The following MACROH2A1 variants were observed in gnomAD, a reference collection of about 807,000 sequenced individuals.
The protein encoded by MACROH2A1 is macroH2A.1 histone.
In MACROH2A1, 2 loss-of-function variants were observed where a neutral mutation model predicts 31.6. The observed-to-expected ratio is 0.06, with a 90% CI of 0.03 to 0.20. MACROH2A1 has a LOEUF of 0.20. Ranked by LOEUF, MACROH2A1 falls within the 10% of genes least tolerant of loss-of-function variation. The probability of loss-of-function intolerance (pLI) is 1.00; values close to 1 mark genes in which losing one functional copy is unlikely to be tolerated. For missense variants in MACROH2A1, 230 were observed against 474.0 expected (o/e 0.49, Z 4.78); for synonymous variants, 169 against 189.6 (o/e 0.89, Z 0.89).
chr5:135,391,342 T>C (rs573553038), intron 1 of MACROH2A1, among the ~76,000 whole-genome samples: 1 of 152,304 alleles, frequency 6.6e-6, no homozygotes, highest in East Asian at 1.9e-4. Context: ...TCAGCCCTTT[T>C]CCTACTAGAG....
At chr5:135,346,275 C>A in intron 6 of MACROH2A1, 1 of 559,718 alleles carries the variant, frequency 1.8e-6, no homozygotes, top group Non-Finnish European at 3.2e-6. Flanking sequence ...CTGGCTGTCT[C>A]TGCTGCCCCT....
In MACROH2A1 at chr5:135,398,564, G is replaced by T. The variant is rs1768365633; in HGVS notation, c.-34+498C>A. Among the ~76,000 whole-genome samples, 2 of 152,194 alleles carry T rather than the reference G, an allele frequency of 1.3e-5. No individual in the cohort carries two copies. On this transcript the variant is annotated intron_variant, in intron 1 of 8. Transcript: ENST00000511689. The surrounding 1 kb of genome is among the most constrained non-coding windows in gnomAD (Gnocchi z 4.6). Reference sequence around the variant, plus strand: ...TAGCGAGCCAGACGCCTACACCTCGGCCCCCCGGGGCTCGGGCCCGACTTA... The same window carrying T: ...TAGCGAGCCAGACGCCTACACCTCGTCCCCCCGGGGCTCGGGCCCGACTTA...
intron 2 of MACROH2A1, among the ~76,000 whole-genome samples, chr5:135,384,306 G>A (rs924415754): frequency 3.9e-5 from 6 of 152,224 alleles, no homozygotes; most frequent in African/African-American, 7.2e-5. Flanking sequence ...CTGAGTTAGA[G>A]ACTGGAAGTC....
At chr5:135,339,234 C>T (rs1472339268) in intron 8 of MACROH2A1, among the ~76,000 whole-genome samples, 1 of 152,182 alleles carries the variant, frequency 6.6e-6, no homozygotes, top group Non-Finnish European at 1.5e-5. Flanking sequence ...CTCAGTTTCC[C>T]AGGGCCAGTG....
intron 1 of MACROH2A1, among the ~76,000 whole-genome samples, chr5:135,391,117 G>T (rs1767175439): frequency 5.9e-5 from 9 of 152,218 alleles, no homozygotes; most frequent in Admixed American, 4.6e-4. Context: ...GCAAAAAGGT[G>T]CCTGTGCTCA....
chr5:135,376,249 G>GTCC (rs1764844868), intron 2 of MACROH2A1, among the ~76,000 whole-genome samples: 1 of 152,164 alleles, frequency 6.6e-6, no homozygotes, highest in Non-Finnish European at 1.5e-5. Context: ...CCTCCGAAAA[G>GTCC]TCCAGGAGGA....
At chr5:135,350,978 C>T (rs1010580056) in intron 6 of MACROH2A1, 2 of 1,084,964 alleles carry the variant, frequency 1.8e-6, no homozygotes, top group African/African-American at 3.1e-5. Flanking sequence ...GGCACATTTA[C>T]TAATGCCCCA....
chr5:135,366,635 C>A (rs1204767927), intron 4 of MACROH2A1, among the ~76,000 whole-genome samples: 2 of 151,542 alleles, frequency 1.3e-5, no homozygotes, highest in East Asian at 3.9e-4. Flanking sequence ...TCTCTATATG[C>A]TTTTATATGC....
At chr5:135,380,962 A>C (rs1220341184) in intron 2 of MACROH2A1, among the ~76,000 whole-genome samples, 1 of 152,228 alleles carries the variant, frequency 6.6e-6, no homozygotes, top group East Asian at 1.9e-4. Context: ...TACTTATTAG[A>C]GAAAAGAAGT....
intron 2 of MACROH2A1, among the ~76,000 whole-genome samples, chr5:135,385,821 A>G (rs576625451): frequency 6.6e-6 from 1 of 152,110 alleles, no homozygotes; most frequent in Admixed American, 6.5e-5. Flanking sequence ...TCCTTGCAAC[A>G]CTTTCAGTCT....
chr5:135,363,755 G>A (rs1302100317), intron 4 of MACROH2A1, among the ~76,000 whole-genome samples: 1 of 152,188 alleles, frequency 6.6e-6, no homozygotes, highest in Non-Finnish European at 1.5e-5. Flanking sequence ...TCGCCACACT[G>A]TCTTCCACAA....
chr5:135,360,327 T>A, intron 5 of MACROH2A1, 170 bp downstream of exon 5: 1 of 603,268 alleles, frequency 1.7e-6, no homozygotes, highest in Non-Finnish European at 3.0e-6. Flanking sequence ...CATTGTGGCC[T>A]CCCCAGCATC....
chr5:135,387,670 T>C (rs1296272319), intron 2 of MACROH2A1, among the ~76,000 whole-genome samples: 1 of 152,166 alleles, frequency 6.6e-6, no homozygotes, highest in Non-Finnish European at 1.5e-5. Context: ...GCAGGCTGTA[T>C]ATAACCCCAG....
chr5:135,343,549 CCT>C lies in MACROH2A1; in HGVS notation c.779-117_779-116del, dbSNP rs1305612121. 2.8e-5 allele frequency: 42 copies of C among 1,489,340 alleles called. No homozygotes were observed. In the East Asian group the frequency reaches 7.6e-4, roughly 27 times the overall value. The allele number at this position is 1,489,340 out of a possible 1,614,324, so 92.3% of individuals were successfully genotyped here. On this transcript the variant is annotated intron_variant, in intron 7 of 8. Coordinates refer to ENST00000511689, the MANE Select transcript of MACROH2A1 (RefSeq NM_138610.3). ...TATATCTTCCTGGGCCCTCCAATGC[CCT>C]GTGTCCGAGGAGTTCCACAGCTGTC... is the stretch of plus-strand genomic sequence containing the variant.
chr5:135,349,940 T>C (rs1761313338), intron 6 of MACROH2A1, among the ~76,000 whole-genome samples: 1 of 152,178 alleles, frequency 6.6e-6, no homozygotes, highest in Non-Finnish European at 1.5e-5. Context: ...CCAGGCCCTA[T>C]GATCAGTAAA....
At chr5:135,367,727 C>T (rs1361827545) in intron 4 of MACROH2A1, among the ~76,000 whole-genome samples, 2 of 152,194 alleles carry the variant, frequency 1.3e-5, no homozygotes, top group Admixed American at 6.5e-5. Flanking sequence ...TGGTCCTGCC[C>T]CTGCTGGTCC....
intron 7 of MACROH2A1, chr5:135,343,941 G>A (rs1347047098): frequency 5.9e-6 from 1 of 169,018 alleles, no homozygotes; most frequent in Non-Finnish European, 1.3e-5. Context: ...GAAAGCAACT[G>A]CTTTAAATGA....
chr5:135,359,639 A>C, intron 5 of MACROH2A1: 1 of 985,226 alleles, frequency 1.0e-6, no homozygotes, highest in Non-Finnish European at 1.2e-6. Context: ...CTGTGATGCA[A>C]AAGAAATTGA....
chr5:135,393,060 C>T (rs931805665), intron 1 of MACROH2A1, among the ~76,000 whole-genome samples: 1 of 152,232 alleles, frequency 6.6e-6, no homozygotes, highest in Non-Finnish European at 1.5e-5. Flanking sequence ...GCTGCTGTAA[C>T]AGATAAGTCT....
Sources: allele counts gnomAD v4.1 joint callset (sites outside exome capture counted in the v4.1 genomes callset), GRCh38; gene constraint gnomAD v4.1.1; non-coding constraint Gnocchi (gnomAD v3.1); transcripts MANE v1.5; gene names NCBI Gene and HGNC (gene_info 2026-07-23, HGNC 2026-07-21).